Variants in PRXL2A observed in about 807,000 individuals in gnomAD.
The protein encoded by PRXL2A is peroxiredoxin like 2A, also known as peroxiredoxin-like 2A.
Under a neutral mutation model 25.6 loss-of-function variants are expected in PRXL2A, and 26 were observed. The observed-to-expected ratio is 1.02, with a 90% confidence interval of 0.74 to 1.41. The LOEUF (loss-of-function observed/expected upper bound fraction) is 1.41, where lower values mean the gene tolerates loss of function less well. Ranked by LOEUF, PRXL2A falls within the 40% of genes most tolerant of loss-of-function variation. PRXL2A has a pLI of 0.00. For missense variants in PRXL2A, 246 were observed against 273.9 expected (o/e 0.90, Z 0.72); for synonymous variants, 98 against 102.9 (o/e 0.95, Z 0.29).
At chr10:80,421,655 T>A (rs1844869462) in intron 2 of PRXL2A, among the ~76,000 whole-genome samples, 1 of 152,076 alleles carries the variant, frequency 6.6e-6, no homozygotes, top group African/African-American at 2.4e-5. Flanking sequence ...GACCCCATTT[T>A]TTTTTTTTCC....
At chr10:80,423,926 T>C (rs1371268316) in intron 3 of PRXL2A, among the ~76,000 whole-genome samples, 1 of 152,198 alleles carries the variant, frequency 6.6e-6, no homozygotes, top group Non-Finnish European at 1.5e-5. Flanking sequence ...TTCCAGCTGT[T>C]AGAGGCCACC....
chr10:80,429,424 G>A (rs1845154662), intron 5 of PRXL2A, among the ~76,000 whole-genome samples: 1 of 152,132 alleles, frequency 6.6e-6, no homozygotes, highest in African/African-American at 2.4e-5. Context: ...ACAGCAGTTG[G>A]CCTAGAGATT....
intron 5 of PRXL2A, among the ~76,000 whole-genome samples, chr10:80,428,387 G>A (rs1023338624): frequency 3.3e-5 from 5 of 152,202 alleles, no homozygotes; most frequent in Admixed American, 6.5e-5. Context: ...GGCTGGGCGC[G>A]GTGGCTCACA....
rs761626656 is a variant in PRXL2A at position 80,426,020 on chromosome 10, G to A, written c.411+14G>A. On this transcript the variant is annotated intron_variant, in intron 4 of 5. Coordinates refer to ENST00000606162, the MANE Select transcript of PRXL2A (RefSeq NM_032333.5). ...CTGGATGAAAAGGTGTGTGTGATGGGAGGCTTTTAGACACAGACTGCTGGG... is the reference window on the plus strand; with the variant it reads ...CTGGATGAAAAGGTGTGTGTGATGGAAGGCTTTTAGACACAGACTGCTGGG... The A allele has an allele frequency of 6.2e-7, 1 of 1,613,966 alleles. No individual in the cohort carries two copies. Among genetic ancestry groups the A allele is most frequent in the East Asian group, 2.2e-5 (1 of 44,894 alleles).
At chr10:80,431,934 A>T in intron 5 of PRXL2A, 52 bp from the exon 6 acceptor site, 1 of 1,351,502 alleles carries the variant, frequency 7.4e-7, no homozygotes, top group Non-Finnish European at 1.1e-6. Context: ...TGCCTGTCTC[A>T]TGAACGAACG....
intron 1 of PRXL2A, chr10:80,419,991 T>C (rs41284090): frequency 0.011 from 10,380 of 985,400 alleles, 55 homozygotes; most frequent in Non-Finnish European, 0.012. Flanking sequence ...GTGCGGTTGG[T>C]GTTCTAAGTA....
In PRXL2A at chr10:80,423,593, T is replaced by C. The variant is rs150700327; in HGVS notation, c.270+1085T>C. 1.6e-3 allele frequency among the ~76,000 whole-genome samples: 248 copies of C among 152,274 alleles called. 1 individual carries two copies. Among genetic ancestry groups the C allele is most frequent in the African/African-American group, 5.7e-3 (238 of 41,546 alleles). On this transcript the variant is annotated intron_variant, in intron 3 of 5. Transcript: ENST00000606162. Reference sequence around the variant, plus strand: ...GAATCCACTTGCACTGCTGGATGCATGTGATGCCTGCAGTACCCTACCCCC... The same window carrying C: ...GAATCCACTTGCACTGCTGGATGCACGTGATGCCTGCAGTACCCTACCCCC...
At position 80,433,259 on chromosome 10, in the gene PRXL2A, A is replaced by G. The variant is rs1845325547; in HGVS notation, c.*1160A>G. 1.3e-5 allele frequency: 2 copies of G among 152,196 alleles called. No individual in the cohort carries two copies. The highest frequency in any genetic ancestry group is 6.5e-5 in the Admixed American group (1 of 15,284). 9.4% of individuals were successfully genotyped at this position (152,196 alleles called of 1,614,324 possible). On this transcript the variant is annotated 3_prime_UTR_variant, in exon 6 of 6. Transcript: ENST00000606162. ...GTTTTTCTATTGGTCTTTTAGCCTA[A>G]TTTGGCAAATCAGAAGAAAGGACAT...
chr10:80,420,673 A>G, intron 2 of PRXL2A, 28 bp downstream of exon 2: 1 of 1,505,086 alleles, frequency 6.6e-7, no homozygotes, highest in Non-Finnish European at 8.9e-7. Flanking sequence ...AGGTCTCAGT[A>G]CTTTTCCAAG....
At chr10:80,424,759 G>T (rs1421254892) in intron 3 of PRXL2A, among the ~76,000 whole-genome samples, 1 of 152,180 alleles carries the variant, frequency 6.6e-6, no homozygotes, top group Non-Finnish European at 1.5e-5. Context: ...TACTTAGGAG[G>T]CTGAGGCGTG....
intron 3 of PRXL2A, 105 bp from the exon 4 acceptor site, chr10:80,425,761 A>G (rs928869050): frequency 1.1e-4 from 162 of 1,431,784 alleles, no homozygotes; most frequent in Non-Finnish European, 1.5e-4. Flanking sequence ...TCTGCTTTCC[A>G]CTGGAGAAGA....
At chr10:80,408,935 C>G (rs912778782) in intron 1 of PRXL2A, 225 of 652,424 alleles carry the variant, frequency 3.4e-4, no homozygotes, top group Non-Finnish European at 4.1e-4. Flanking sequence ...GGCTAGGGCC[C>G]CCTCTGTCCA....
chr10:80,429,618 A>G, intron 5 of PRXL2A, among the ~76,000 whole-genome samples: 1 of 81,908 alleles, frequency 1.2e-5, no homozygotes, highest in Non-Finnish European at 2.5e-5. Flanking sequence ...CCCTGCCCCT[A>G]GCCTCTCCTG....
At chr10:80,422,956 G>A (rs1203303661) in intron 3 of PRXL2A, among the ~76,000 whole-genome samples, 1 of 152,216 alleles carries the variant, frequency 6.6e-6, no homozygotes, top group African/African-American at 2.4e-5. Flanking sequence ...AGACCTGCCT[G>A]TCTCTCTTTC....
intron 1 of PRXL2A, chr10:80,409,024 C>T (rs1844367215): frequency 1.0e-6 from 1 of 985,010 alleles, no homozygotes. Context: ...GAGGGCCCTG[C>T]CCTGGAGCAT....
In PRXL2A at chr10:80,436,525, G is replaced by C. The variant is rs530802655; in HGVS notation, c.*4426G>C. ...GTGGAAGACCAGCACACTCACGTCAGGAGACCTTACCTGGAGCCAGGATGC... is the reference window on the plus strand; with the variant it reads ...GTGGAAGACCAGCACACTCACGTCACGAGACCTTACCTGGAGCCAGGATGC... On this transcript the variant is annotated 3_prime_UTR_variant, in exon 6 of 6. Coordinates refer to ENST00000606162, the MANE Select transcript of PRXL2A (RefSeq NM_032333.5). 1.3e-5 allele frequency: 2 copies of C among 152,126 alleles called. No homozygotes were observed. The highest frequency in any genetic ancestry group is 4.8e-5 in the African/African-American group (2 of 41,400). The allele number at this position is 152,126 out of a possible 1,614,324, so 9.4% of individuals were successfully genotyped here.
At chr10:80,431,964 A>G (rs1311583983) in intron 5 of PRXL2A, 22 bp from the exon 6 acceptor site, 2 of 1,544,910 alleles carry the variant, frequency 1.3e-6, no homozygotes, top group South Asian at 1.1e-5. Flanking sequence ...GAGGACTGAC[A>G]TTATCTCTTG....
rs963130054 is a variant in PRXL2A at position 80,436,624 on chromosome 10, T to G, written c.*4525T>G. The G allele has an allele frequency of 2.6e-5, 4 of 152,272 alleles. No homozygotes were observed. The highest frequency in any genetic ancestry group is 9.7e-5 in the African/African-American group (4 of 41,432). 9.4% of individuals were successfully genotyped at this position (152,272 alleles called of 1,614,324 possible). On this transcript the variant is annotated 3_prime_UTR_variant, in exon 6 of 6. Coordinates refer to ENST00000606162, the MANE Select transcript of PRXL2A (RefSeq NM_032333.5). ...CAGAAGCAAAAGTTTCTCTCTGACCTTCTCCTGCCCTCTTGTTTCTGGCTT... is the reference window on the plus strand; with the variant it reads ...CAGAAGCAAAAGTTTCTCTCTGACCGTCTCCTGCCCTCTTGTTTCTGGCTT...
intron 1 of PRXL2A, among the ~76,000 whole-genome samples, chr10:80,414,145 C>G (rs1358810124): frequency 6.6e-6 from 1 of 152,138 alleles, no homozygotes; most frequent in African/African-American, 2.4e-5. Flanking sequence ...TTCAGCTTAG[C>G]CTAGGGAGCC....
Sources: allele counts gnomAD v4.1 joint callset (sites outside exome capture counted in the v4.1 genomes callset), GRCh38; gene constraint gnomAD v4.1.1; transcripts MANE v1.5; gene names NCBI Gene and HGNC (gene_info 2026-07-23, HGNC 2026-07-21).